TGFBRAP1: variants seen among roughly 807,000 people sequenced by gnomAD.
TGFBRAP1 encodes the protein transforming growth factor beta receptor associated protein 1, also known as transforming growth factor-beta receptor-associated protein 1.
Under a neutral mutation model 83.2 loss-of-function variants are expected in TGFBRAP1, and 20 were observed. That is an observed-to-expected ratio of 0.24 (90% CI 0.17 to 0.35). TGFBRAP1 has a LOEUF of 0.35. Ranked by LOEUF, TGFBRAP1 falls within the 10% of genes least tolerant of loss-of-function variation. TGFBRAP1 has a pLI of 1.00. For missense variants in TGFBRAP1, 950 were observed against 1,099.4 expected, an observed-to-expected ratio of 0.86 and a Z score of 1.92; for synonymous variants, 415 against 459.8, an observed-to-expected ratio of 0.90 and a Z score of 1.25.
At position 105,307,942 on chromosome 2, in the gene TGFBRAP1, G is replaced by C. The variant is rs138532306; in HGVS notation, c.360C>G (p.Ala120=). The change falls in exon 2 of 12, where the codon GCC becomes GCG. Residue 120 remains alanine (A), a synonymous_variant. Transcript: ENST00000393359. ...CAGGGTTCTCGTTCAGTGCAAACGT[G>C]GCTGCCCCCTTGATGCGGGCCCCCG... ...VPSGARIKGA[A]TFALNENPVS... The C allele has an allele frequency of 4.7e-5, 76 of 1,614,128 alleles. No homozygotes were observed. In the African/African-American group the frequency reaches 9.2e-4, roughly 20 times the overall value.
At chr2:105,286,983 T>C (rs932758908) in intron 4 of TGFBRAP1, among the ~76,000 whole-genome samples, 3 of 152,132 alleles carry the variant, frequency 2.0e-5, no homozygotes, top group Non-Finnish European at 4.4e-5. Context: ...CCTAACAAAA[T>C]ACACCTTTCT....
intron 1 of TGFBRAP1, among the ~76,000 whole-genome samples, chr2:105,316,476 C>T (rs1055691996): frequency 2.2e-4 from 14 of 64,486 alleles, no homozygotes; most frequent in South Asian, 9.0e-4. Context: ...CGCGCGCGCG[C>T]GCGCACGCGC....
At chr2:105,260,066 T>C (rs1558805353), downstream of TGFBRAP1, among the ~76,000 whole-genome samples, 1 of 152,240 alleles carries the variant, frequency 6.6e-6, no homozygotes, top group East Asian at 1.9e-4. Context: ...TCTTGGTGAC[T>C]ACACTATTTT....
intron 4 of TGFBRAP1, among the ~76,000 whole-genome samples, chr2:105,288,946 T>C (rs923607888): frequency 6.6e-6 from 1 of 152,190 alleles, no homozygotes; most frequent in Non-Finnish European, 1.5e-5. Context: ...TTAGAGGCTC[T>C]GAAAAAACCT....
At chr2:105,263,888 T>A (rs192614508), downstream of TGFBRAP1, among the ~76,000 whole-genome samples, 13 of 151,988 alleles carry the variant, frequency 8.6e-5, no homozygotes, top group African/African-American at 3.1e-4. Context: ...TTCCATCTCA[T>A]AAAAAACAAA....
At chr2:105,267,877 A>G in intron 11 of TGFBRAP1, 11 of 985,462 alleles carry the variant, frequency 1.1e-5, no homozygotes, top group Non-Finnish European at 1.3e-5. Context: ...AAGGCCTGTT[A>G]GAAAGTCATG....
chr2:105,298,795 C>A, intron 2 of TGFBRAP1, 90 bp from the exon 3 acceptor site: 3 of 1,263,788 alleles, frequency 2.4e-6, no homozygotes, highest in Non-Finnish European at 2.1e-6. Context: ...CCGACCCCTG[C>A]CCACCAGCAA....
intron 5 of TGFBRAP1, among the ~76,000 whole-genome samples, chr2:105,282,847 A>AT (rs397779764): frequency 6.8e-6 from 1 of 147,666 alleles, no homozygotes; most frequent in Non-Finnish European, 1.5e-5. Context: ...AAAAAAAAAA[A>AT]TCCGTTCTCT....
intron 1 of TGFBRAP1, among the ~76,000 whole-genome samples, chr2:105,323,494 T>C (rs1679127655): frequency 6.6e-6 from 1 of 152,216 alleles, no homozygotes. Context: ...CAGGCAGGTA[T>C]GACTGGACAC....
chr2:105,252,247 A>G, the TGFBRAP1 span, among the ~76,000 whole-genome samples: 1 of 152,212 alleles, frequency 6.6e-6, no homozygotes, highest in African/African-American at 2.4e-5. Context: ...CACCATAACA[A>G]GAGAGTCACT....
rs188433545 is a variant in TGFBRAP1, at chr2:105,276,032, G to A, written c.1522-329C>T. On this transcript the variant is annotated intron_variant, in intron 7 of 11. Coordinates refer to ENST00000393359, the MANE Select transcript of TGFBRAP1 (RefSeq NM_004257.6). ...TGTTTCTTCATGAAATAAAGAAAAC[G>A]GTCACTGATAACATCTCGACACAGA... Among the ~76,000 whole-genome samples the A allele has an allele frequency of 3.3e-5, 5 of 152,188 alleles. No homozygotes were observed. The East Asian group carries it at 9.7e-4, about 29-fold the overall frequency.
chr2:105,320,833 T>C (rs1679034804), intron 1 of TGFBRAP1, among the ~76,000 whole-genome samples: 1 of 152,220 alleles, frequency 6.6e-6, no homozygotes, highest in African/African-American at 2.4e-5. Context: ...AACACTACTC[T>C]CTAGATACCT....
At chr2:105,252,070 TC>T in the TGFBRAP1 span, among the ~76,000 whole-genome samples, 2 of 150,822 alleles carry the variant, frequency 1.3e-5, no homozygotes, top group Non-Finnish European at 3.0e-5. Context: ...CTGCTGACCT[TC>T]CCTCCACTAT....
At chr2:105,296,273 A>G in intron 4 of TGFBRAP1, 83 bp downstream of exon 4, 1 of 1,530,860 alleles carries the variant, frequency 6.5e-7, no homozygotes, top group South Asian at 1.2e-5. Flanking sequence ...GTACACAGGA[A>G]GGGCCGATGC....
At position 105,315,158 on chromosome 2, in the gene TGFBRAP1, G is replaced by T. The variant is rs963956073; in HGVS notation, c.-17-6840C>A. The stretch of plus-strand genomic sequence containing the variant: ...AACTTACAATAGTAGAAAATATAAG[G>T]TATGAAAGAATTATCTAACAGATAT... On this transcript the variant is annotated intron_variant, in intron 1 of 11. Coordinates refer to ENST00000393359, the MANE Select transcript of TGFBRAP1 (RefSeq NM_004257.6). 2.0e-5 allele frequency among the ~76,000 whole-genome samples: 3 copies of T among 151,768 alleles called. No individual in the cohort carries two copies. The South Asian group carries it at 6.2e-4, about 31-fold the overall frequency.
intron 1 of TGFBRAP1, among the ~76,000 whole-genome samples, chr2:105,322,683 A>G (rs534830729): frequency 6.6e-6 from 1 of 152,324 alleles, no homozygotes; most frequent in South Asian, 2.1e-4. Flanking sequence ...GGCCATACCC[A>G]TATAGCTTAG....
chr2:105,302,644 A>G (rs1200948902), intron 2 of TGFBRAP1, among the ~76,000 whole-genome samples: 1 of 152,208 alleles, frequency 6.6e-6, no homozygotes, highest in African/African-American at 2.4e-5. Flanking sequence ...ATAAACCCTA[A>G]AAATAAAGGT....
At chr2:105,254,900 C>T in the TGFBRAP1 span, among the ~76,000 whole-genome samples, 3 of 152,078 alleles carry the variant, frequency 2.0e-5, no homozygotes, top group Admixed American at 6.6e-5. Flanking sequence ...ATGAAAGGGG[C>T]CATCTGAAGC....
chr2:105,262,376 T>C (rs900887486), downstream of TGFBRAP1, among the ~76,000 whole-genome samples: 8 of 151,876 alleles, frequency 5.3e-5, no homozygotes, highest in Non-Finnish European at 1.2e-4. Flanking sequence ...TCACTGTCTC[T>C]CTCCAGCTCT....
Sources: gnomAD v4.1 joint callset for allele counts (sites outside exome capture counted in the v4.1 genomes callset) on GRCh38, gnomAD v4.1.1 for gene constraint, MANE v1.5 for transcripts, NCBI Gene and HGNC (gene_info 2026-07-23, HGNC 2026-07-21) for gene names.